Variants in ACOT7 observed in about 807,000 individuals in gnomAD.
ACOT7 encodes the protein cytosolic acyl coenzyme A thioester hydrolase.
Under a neutral mutation model 40.2 loss-of-function variants are expected in ACOT7, and 12 were observed. That is an observed-to-expected ratio of 0.30 (90% CI 0.19 to 0.48). The LOEUF (loss-of-function observed/expected upper bound fraction) is 0.48, where lower values mean the gene tolerates loss of function less well. ACOT7 is among the 20% of genes least tolerant of loss of function. The probability of loss-of-function intolerance (pLI) is 0.99; values close to 1 mark genes in which losing one functional copy is unlikely to be tolerated. For synonymous variants in ACOT7, 228 were observed against 219.5 expected, an observed-to-expected ratio of 1.04 and a Z score of -0.34; for missense variants, 395 against 530.8, an observed-to-expected ratio of 0.74 and a Z score of 2.51.
chr1:6,301,122 G>A lies in ACOT7; in HGVS notation c.713-6142C>T, dbSNP rs114174867. ...CCAGAGTGTCCAGTGCTGGCCACCA[G>A]CTGGTGTCATCAACTCAGGGTGGTT... On this transcript the variant is annotated intron_variant, in intron 6 of 8. Coordinates refer to ENST00000361521, the MANE Select transcript of ACOT7 (RefSeq NM_007274.4). This position sits in a 1 kb window ranked among gnomAD's most constrained non-coding sequence, Gnocchi z 4.1. Among the ~76,000 whole-genome samples, 248 of 152,338 alleles carry A rather than the reference G, an allele frequency of 1.6e-3. No homozygotes were observed. Among genetic ancestry groups the A allele is most frequent in the African/African-American group, 5.8e-3 (240 of 41,576 alleles).
rs1641825841 is a variant in ACOT7 at position 6,358,954 on chromosome 1, C to T, written c.144-9088G>A. On this transcript the variant is annotated intron_variant, in intron 1 of 8. Coordinates refer to ENST00000361521, the MANE Select transcript of ACOT7 (RefSeq NM_007274.4). The surrounding 1 kb of genome is among the most constrained non-coding windows in gnomAD (Gnocchi z 4.1). ...TGTCCCAGCTCCCTGCCACACCGGG[C>T]TTGGTGGGGAGCACCCCCCACCCCC... 2 of 1,504,780 alleles carry T rather than the reference C, an allele frequency of 1.3e-6. No homozygotes were observed. Among genetic ancestry groups the T allele is most frequent in the Admixed American group, 2.1e-5 (1 of 48,538 alleles). The allele number at this position is 1,504,780 out of a possible 1,614,324, so 93.2% of individuals were successfully genotyped here.
chr1:6,388,989 C>A (rs1247939832), intron 1 of ACOT7, among the ~76,000 whole-genome samples: 1 of 150,474 alleles, frequency 6.6e-6, no homozygotes, highest in Non-Finnish European at 1.5e-5. Context: ...TGCAGTGAGC[C>A]GAGATCGCGC....
intron 8 of ACOT7, among the ~76,000 whole-genome samples, chr1:6,276,648 G>GAACGC (rs1639200021): frequency 6.6e-6 from 1 of 152,052 alleles, no homozygotes; most frequent in Non-Finnish European, 1.5e-5. Flanking sequence ...TGGAGGGACG[G>GAACGC]AACGCACATG....
chr1:6,336,073 G>A (rs1223420008), intron 3 of ACOT7, among the ~76,000 whole-genome samples: 1 of 152,170 alleles, frequency 6.6e-6, no homozygotes, highest in African/African-American at 2.4e-5. Flanking sequence ...TCGGCCAGCT[G>A]CGGTGGCTTA....
At chr1:6,344,949 G>T (rs1641380187) in intron 2 of ACOT7, among the ~76,000 whole-genome samples, 1 of 152,144 alleles carries the variant, frequency 6.6e-6, no homozygotes, top group South Asian at 2.1e-4. Flanking sequence ...GGTACAGATG[G>T]CAGGAGCCGG....
At chr1:6,323,446 G>A (rs970492742) in intron 5 of ACOT7, among the ~76,000 whole-genome samples, 1 of 152,020 alleles carries the variant, frequency 6.6e-6, no homozygotes, top group Non-Finnish European at 1.5e-5. Context: ...GGCCAGGTAT[G>A]GTGGCTCACG....
chr1:6,326,095 G>A (rs557139618), intron 5 of ACOT7, among the ~76,000 whole-genome samples: 2 of 152,230 alleles, frequency 1.3e-5, no homozygotes, highest in Non-Finnish European at 2.9e-5. Context: ...CTGCCATCCC[G>A]CATGAGGTAC....
At chr1:6,391,924 C>CT (rs1319893269) in intron 1 of ACOT7, among the ~76,000 whole-genome samples, 1 of 152,088 alleles carries the variant, frequency 6.6e-6, no homozygotes, top group Non-Finnish European at 1.5e-5. Context: ...TGCAGGCTGT[C>CT]TGTCTCCAGT....
At chr1:6,276,420 A>ACGAGACCGAGAC (rs1046647321) in intron 8 of ACOT7, among the ~76,000 whole-genome samples, 1 of 152,000 alleles carries the variant, frequency 6.6e-6, no homozygotes, top group African/African-American at 2.4e-5. Context: ...CTCTTCTAAT[A>ACGAGACCGAGAC]CGAGACCGAG....
Position 6,358,273 on chromosome 1 carries a change from G to A in ACOT7, c.144-8407C>T, listed in dbSNP as rs746143513. Among the ~76,000 whole-genome samples, 5 of 152,076 alleles carry A rather than the reference G, an allele frequency of 3.3e-5. No homozygotes were observed. The highest frequency in any genetic ancestry group is 7.4e-5 in the Non-Finnish European group (5 of 68,020). On this transcript the variant is annotated intron_variant, in intron 1 of 8. Coordinates refer to ENST00000361521, the MANE Select transcript of ACOT7 (RefSeq NM_007274.4). The surrounding 1 kb of genome is among the most constrained non-coding windows in gnomAD (Gnocchi z 4.1). The stretch of plus-strand genomic sequence containing the variant: ...CAGAAGAGGGAAGGGTGGGAGGAAG[G>A]GCTGTGCCAAGGAAAGTTCCAGCAG...
intron 5 of ACOT7, among the ~76,000 whole-genome samples, chr1:6,320,076 C>A (rs1211527121): frequency 6.6e-6 from 1 of 152,254 alleles, no homozygotes; most frequent in Non-Finnish European, 1.5e-5. Context: ...GTTTGAATCC[C>A]AGCTCTGCTG....
chr1:6,281,013 C>T, intron 8 of ACOT7, 89 bp downstream of exon 8: 1 of 1,502,786 alleles, frequency 6.7e-7, no homozygotes, highest in Non-Finnish European at 9.0e-7. Flanking sequence ...AGGACTCATG[C>T]AGGCACAGAT....
At chr1:6,318,466 G>C in intron 6 of ACOT7, 26 bp downstream of exon 6, 1 of 1,608,530 alleles carries the variant, frequency 6.2e-7, no homozygotes, top group Non-Finnish European at 8.5e-7. Context: ...GACAGGAATG[G>C]AGTGGCCAGG....
Position 6,351,821 on chromosome 1 carries a change from T to C in ACOT7, c.144-1955A>G, listed in dbSNP as rs539304007. Among the ~76,000 whole-genome samples, 157 of 152,364 alleles carry C rather than the reference T, an allele frequency of 1.0e-3. 2 individuals are homozygous for C. In the Middle Eastern group the frequency reaches 0.027, roughly 26 times the overall value. ...GGGAGAGAAGACGCGGGCCAAGGGCTGCAGAGCAGCGGAGGAAGTGCTTTC... is the reference window on the plus strand; with the variant it reads ...GGGAGAGAAGACGCGGGCCAAGGGCCGCAGAGCAGCGGAGGAAGTGCTTTC... On this transcript the variant is annotated intron_variant, in intron 1 of 8. Coordinates refer to ENST00000361521, the MANE Select transcript of ACOT7 (RefSeq NM_007274.4).
intron 8 of ACOT7, among the ~76,000 whole-genome samples, chr1:6,280,524 C>T (rs147661705): frequency 4.6e-5 from 7 of 152,346 alleles, no homozygotes; most frequent in African/African-American, 7.2e-5. Context: ...GGCCTGCACA[C>T]GCCCACCCCA....
At chr1:6,346,460 G>A (rs188044084) in intron 2 of ACOT7, among the ~76,000 whole-genome samples, 2 of 152,286 alleles carry the variant, frequency 1.3e-5, no homozygotes, top group Admixed American at 1.3e-4. Context: ...GCCCAAGGCA[G>A]GAATGCACCC....
intron 1 of ACOT7, among the ~76,000 whole-genome samples, chr1:6,360,157 C>G (rs1168171161): frequency 6.6e-6 from 1 of 152,222 alleles, no homozygotes; most frequent in Non-Finnish European, 1.5e-5. Context: ...GCTTACAAAC[C>G]CCACACGCAC....
intron 6 of ACOT7, among the ~76,000 whole-genome samples, chr1:6,302,979 A>G (rs1640013318): frequency 6.6e-6 from 1 of 152,200 alleles, no homozygotes; most frequent in African/African-American, 2.4e-5. Context: ...CTTCCTCACA[A>G]CTGCCTTTCT....
chr1:6,295,157 C>T, intron 6 of ACOT7, 177 bp from the exon 7 acceptor site: 1 of 474,338 alleles, frequency 2.1e-6, no homozygotes, highest in Non-Finnish European at 3.8e-6. Flanking sequence ...CTACATGGGG[C>T]TTCCTCAGGA....
Sources: allele counts gnomAD v4.1 joint callset (sites outside exome capture counted in the v4.1 genomes callset), GRCh38; gene constraint gnomAD v4.1.1; non-coding constraint Gnocchi (gnomAD v3.1); transcripts MANE v1.5; gene names NCBI Gene and HGNC (gene_info 2026-07-23, HGNC 2026-07-21).